The following RBFOX1 variants were observed in gnomAD, a reference collection of about 807,000 sequenced individuals.
The protein encoded by RBFOX1 is RNA binding fox-1 homolog 1, also known as RNA binding protein fox-1 homolog 1.
A neutral mutation model predicts 57.7 loss-of-function variants in RBFOX1; 8 were observed. The ratio of observed to expected loss-of-function variants is 0.14; its 90% CI spans 0.08 to 0.25. The LOEUF is 0.25. Among genes scored for constraint, RBFOX1 ranks in the 10% least tolerant of loss-of-function variants. The probability of loss-of-function intolerance (pLI) is 1.00; values close to 1 mark genes in which losing one functional copy is unlikely to be tolerated. For missense variants in RBFOX1, 611 were observed against 548.5 expected, an observed-to-expected ratio of 1.11 and a Z score of -1.14; for synonymous variants, 326 against 222.4, an observed-to-expected ratio of 1.47 and a Z score of -4.15.
chr16:6,801,965 G>C (rs1271744450), intron 3 of RBFOX1, among the ~76,000 whole-genome samples: 2 of 152,024 alleles, frequency 1.3e-5, no homozygotes, highest in East Asian at 3.9e-4. Flanking sequence ...CTAGGTGCTG[G>C]GGTGATTACC....
chr16:7,103,564 TG>T (rs1317458456), intron 4 of RBFOX1, among the ~76,000 whole-genome samples: 3 of 152,108 alleles, frequency 2.0e-5, no homozygotes, highest in African/African-American at 7.2e-5. Flanking sequence ...ATAGATAGAT[TG>T]ATAATCTACA....
At chr16:6,051,405 G>A (rs1215705725) in intron 1 of RBFOX1, among the ~76,000 whole-genome samples, 1 of 152,026 alleles carries the variant, frequency 6.6e-6, no homozygotes, top group Non-Finnish European at 1.5e-5. Flanking sequence ...TTGGCTTACT[G>A]CAACCTCTGC....
At chr16:6,871,435 C>T (rs1448403746) in intron 3 of RBFOX1, among the ~76,000 whole-genome samples, 5 of 152,152 alleles carry the variant, frequency 3.3e-5, no homozygotes, top group Non-Finnish European at 7.3e-5. Flanking sequence ...ATCTGCTCAC[C>T]TCAGCCTCCC....
intron 4 of RBFOX1, among the ~76,000 whole-genome samples, chr16:5,886,120 G>A (rs1308777002): frequency 6.6e-6 from 1 of 152,078 alleles, no homozygotes; most frequent in Non-Finnish European, 1.5e-5. Context: ...GCTTCCTGAG[G>A]CCTCCCAGCC....
At chr16:5,450,395 G>A (rs533637860) in intron 1 of RBFOX1, among the ~76,000 whole-genome samples, 2 of 152,264 alleles carry the variant, frequency 1.3e-5, no homozygotes, top group South Asian at 2.1e-4. Context: ...CTTTGGCCTG[G>A]GCACATGCAG....
intron 1 of RBFOX1, among the ~76,000 whole-genome samples, chr16:6,219,756 A>G (rs1240390846): frequency 6.6e-5 from 10 of 152,112 alleles, no homozygotes; most frequent in Admixed American, 5.9e-4. Context: ...GGTGCCAGTA[A>G]TCCCAGCTAC....
chr16:6,948,248 A>G (rs2079960282), intron 3 of RBFOX1, among the ~76,000 whole-genome samples: 2 of 152,100 alleles, frequency 1.3e-5, no homozygotes, highest in African/African-American at 2.4e-5. Context: ...CCTGGGCAAT[A>G]TTATGAGACC....
At chr16:6,704,420 C>T (rs1013174258) in intron 3 of RBFOX1, 13 of 152,274 alleles carry the variant, frequency 8.5e-5, no homozygotes, top group African/African-American at 3.1e-4. Flanking sequence ...GCTTGCTGCT[C>T]ACCGTCTCTG....
At chr16:5,715,500 T>C (rs1282766045) in intron 3 of RBFOX1, among the ~76,000 whole-genome samples, 2 of 152,344 alleles carry the variant, frequency 1.3e-5, no homozygotes, top group East Asian at 1.9e-4. Context: ...ACTCTTAAGA[T>C]GTATTATGCT....
chr16:7,649,959 G>A (rs1308677873), intron 11 of RBFOX1, among the ~76,000 whole-genome samples: 5 of 149,754 alleles, frequency 3.3e-5, no homozygotes, highest in Non-Finnish European at 7.4e-5. Context: ...GGAGAGGAGA[G>A]GAAGAAGAGG....
In RBFOX1 at chr16:6,351,002, G is replaced by T. The variant is rs533710347; in HGVS notation, c.-64+33945G>T. ...GCAGTGGGCACTTGGCTGACAAGTA[G>T]CAACTTGTGCAAAGTTGTGATATGT... On this transcript the variant is annotated intron_variant, in intron 2 of 15. Coordinates refer to ENST00000550418, the MANE Select transcript of RBFOX1 (RefSeq NM_018723.4). 1.4e-4 allele frequency among the ~76,000 whole-genome samples: 22 copies of T among 152,264 alleles called. No individual in the cohort carries two copies. The South Asian group carries it at 4.6e-3, about 32-fold the overall frequency.
intron 3 of RBFOX1, among the ~76,000 whole-genome samples, chr16:7,020,041 T>C (rs1377251820): frequency 1.3e-5 from 2 of 151,810 alleles, no homozygotes; most frequent in African/African-American, 2.4e-5. Context: ...TAGTGTTTTC[T>C]AGATCAGCTT....
At chr16:7,420,537 T>C (rs2149344505) in intron 4 of RBFOX1, among the ~76,000 whole-genome samples, 1 of 152,322 alleles carries the variant, frequency 6.6e-6, no homozygotes, top group East Asian at 1.9e-4. Flanking sequence ...CCAGGCCTTT[T>C]CTGCAAGAGC....
chr16:6,717,106 G>A (rs2064987208), intron 3 of RBFOX1, among the ~76,000 whole-genome samples: 1 of 152,138 alleles, frequency 6.6e-6, no homozygotes, highest in South Asian at 2.1e-4. Flanking sequence ...TCAGTGGATT[G>A]ATCCTGGGAT....
intron 2 of RBFOX1, among the ~76,000 whole-genome samples, chr16:6,363,139 A>G (rs2088905811): frequency 6.6e-6 from 1 of 152,228 alleles, no homozygotes; most frequent in Non-Finnish European, 1.5e-5. Context: ...CTCATTAAGT[A>G]ACTCAATTGG....
chr16:5,789,408 C>G (rs559612776), intron 3 of RBFOX1, among the ~76,000 whole-genome samples: 1 of 152,160 alleles, frequency 6.6e-6, no homozygotes, highest in East Asian at 1.9e-4. Flanking sequence ...GGTCTACAAG[C>G]CCGCATATTT....
chr16:6,181,834 C>T (rs1241956913), intron 1 of RBFOX1, among the ~76,000 whole-genome samples: 4 of 152,158 alleles, frequency 2.6e-5, no homozygotes, highest in East Asian at 1.9e-4. Context: ...TTCCTTTCAT[C>T]ATGGTCTGAT....
chr16:5,636,145 C>T (rs939561970), intron 3 of RBFOX1, among the ~76,000 whole-genome samples: 7 of 151,982 alleles, frequency 4.6e-5, no homozygotes, highest in African/African-American at 1.2e-4. Flanking sequence ...GTCAGGAGTT[C>T]GAGACCAGCC....
intron 1 of RBFOX1, among the ~76,000 whole-genome samples, chr16:5,419,106 A>T (rs1022418016): frequency 3.9e-5 from 6 of 152,162 alleles, no homozygotes; most frequent in Non-Finnish European, 7.4e-5. Flanking sequence ...AGAGTGTGCC[A>T]TTGTTCCCTG....
Sources: allele counts gnomAD v4.1 joint callset (sites outside exome capture counted in the v4.1 genomes callset), GRCh38; gene constraint gnomAD v4.1.1; transcripts MANE v1.5; gene names NCBI Gene and HGNC (gene_info 2026-07-23, HGNC 2026-07-21).